PLXNA4: variants seen among roughly 807,000 people sequenced by gnomAD.
PLXNA4 encodes plexin A4.
A neutral mutation model predicts 191.8 loss-of-function variants in PLXNA4; 44 were observed. The ratio of observed to expected loss-of-function variants is 0.23; its 90% CI spans 0.18 to 0.29. The LOEUF is 0.29. PLXNA4 is among the 10% of genes least tolerant of loss of function. PLXNA4 has a pLI of 1.00. For missense variants in PLXNA4, 1,800 were observed against 2,488.8 expected, an observed-to-expected ratio of 0.72 and a Z score of 5.89; for synonymous variants, 1,082 against 1,009.5, an observed-to-expected ratio of 1.07 and a Z score of -1.36.
chr7:132,623,954 A>G (rs1803322221), intron 2 of PLXNA4, among the ~76,000 whole-genome samples: 1 of 152,222 alleles, frequency 6.6e-6, no homozygotes, highest in Non-Finnish European at 1.5e-5. Context: ...TTGGGGAATG[A>G]AAGAATAAAG....
chr7:132,357,011 T>A (rs1803735531), intron 3 of PLXNA4, among the ~76,000 whole-genome samples: 1 of 152,128 alleles, frequency 6.6e-6, no homozygotes, highest in Admixed American at 6.6e-5. Context: ...CCAAAGGGCT[T>A]CAACGTTAAA....
chr7:132,178,717 C>CGT (rs1796563357), intron 20 of PLXNA4, among the ~76,000 whole-genome samples: 1 of 118,926 alleles, frequency 8.4e-6, no homozygotes, highest in African/African-American at 4.2e-5. Context: ...TACACATACA[C>CGT]ACACACACAC....
chr7:132,380,681 A>C (rs1212294333), intron 3 of PLXNA4, among the ~76,000 whole-genome samples: 6 of 152,196 alleles, frequency 3.9e-5, no homozygotes, highest in Admixed American at 6.5e-5. Flanking sequence ...CACGGGAGTG[A>C]GTTCAGATTG....
chr7:132,516,169 A>G (rs1397412004), intron 1 of PLXNA4, among the ~76,000 whole-genome samples: 2 of 152,184 alleles, frequency 1.3e-5, no homozygotes, highest in African/African-American at 2.4e-5. Context: ...AACTGGTTGT[A>G]CCCTGTTCTA....
chr7:132,347,756 G>C (rs974941947), intron 3 of PLXNA4, among the ~76,000 whole-genome samples: 3 of 152,168 alleles, frequency 2.0e-5, no homozygotes, highest in Non-Finnish European at 4.4e-5. Context: ...GTAGAGCCCA[G>C]ATCTACGCCT....
intron 2 of PLXNA4, among the ~76,000 whole-genome samples, chr7:132,585,637 T>C (rs984381569): frequency 1.3e-5 from 2 of 152,192 alleles, no homozygotes; most frequent in African/African-American, 4.8e-5. Flanking sequence ...ACAACAAATA[T>C]CTATTTCTTA....
At chr7:132,445,275 C>T (rs1223132873) in intron 3 of PLXNA4, among the ~76,000 whole-genome samples, 1 of 151,836 alleles carries the variant, frequency 6.6e-6, no homozygotes, top group African/African-American at 2.4e-5. Context: ...GCTCCTCCTT[C>T]TATGTGATTT....
intron 3 of PLXNA4, among the ~76,000 whole-genome samples, chr7:132,489,083 T>C (rs1797675908): frequency 6.6e-6 from 1 of 151,898 alleles, no homozygotes; most frequent in African/African-American, 2.4e-5. Flanking sequence ...AGGGAGGAGG[T>C]GAATCCACAC....
intron 2 of PLXNA4, among the ~76,000 whole-genome samples, chr7:132,620,469 G>C (rs1185954738): frequency 6.6e-6 from 1 of 151,760 alleles, no homozygotes; most frequent in East Asian, 1.9e-4. Context: ...TATATAACTA[G>C]TGCATTGAGG....
chr7:132,211,917 C>T (rs751408), intron 9 of PLXNA4, among the ~76,000 whole-genome samples: 27,875 of 152,030 alleles, frequency 0.18, 3,471 homozygotes, highest in East Asian at 0.42. Flanking sequence ...GGGCTGGGGA[C>T]ATAAGGAGGT....
intron 25 of PLXNA4, among the ~76,000 whole-genome samples, chr7:132,149,691 G>C (rs867555052): frequency 2.6e-5 from 4 of 152,214 alleles, no homozygotes; most frequent in Non-Finnish European, 5.9e-5. Flanking sequence ...TGATACTTCT[G>C]AAATGTGCAA....
chr7:132,164,083 C>T, intron 24 of PLXNA4, 59 bp downstream of exon 24: 1 of 1,605,860 alleles, frequency 6.2e-7, no homozygotes, highest in Non-Finnish European at 8.5e-7. Context: ...CTGAGCAGGG[C>T]TACCCAGGAT....
At chr7:132,641,394 C>T (rs1425501183) in intron 2 of PLXNA4, among the ~76,000 whole-genome samples, 1 of 152,204 alleles carries the variant, frequency 6.6e-6, no homozygotes, top group South Asian at 2.1e-4. Context: ...CATGGCCTTT[C>T]CTCTGTGCTC....
At chr7:132,246,768 AATC>A (rs34617807) in intron 4 of PLXNA4, among the ~76,000 whole-genome samples, 55,609 of 149,796 alleles carry the variant, frequency 0.37, 11,386 homozygotes, top group African/African-American at 0.55. Flanking sequence ...TTGTACATGC[AATC>A]ATCATCATCA....
chr7:132,287,329 G>A (rs1800720299), intron 4 of PLXNA4, among the ~76,000 whole-genome samples: 2 of 152,146 alleles, frequency 1.3e-5, no homozygotes, highest in Non-Finnish European at 2.9e-5. Flanking sequence ...TTTTCTAATT[G>A]TAATAAGAAT....
At chr7:132,563,653 C>A (rs563127386) in intron 1 of PLXNA4, among the ~76,000 whole-genome samples, 103 of 122,962 alleles carry the variant, frequency 8.4e-4, no homozygotes, top group Non-Finnish European at 1.3e-3. Context: ...CCTCCTTCTC[C>A]TCTTCCTCCT....
rs12533597 is a variant in PLXNA4, at chr7:132,593,783, G to A, written c.-87+52145C>T. On this transcript the variant is annotated intron_variant, in intron 2 of 4. Coordinates refer to the PLXNA4 transcript ENST00000378539. Reference sequence around the variant, plus strand: ...GAGGGAAACAAGTGCTGCCTGCCATGGAAGGGCCATACAATAGGGGATTTC... The same window carrying A: ...GAGGGAAACAAGTGCTGCCTGCCATAGAAGGGCCATACAATAGGGGATTTC... Among the ~76,000 whole-genome samples the A allele has an allele frequency of 5.7e-3, 864 of 152,362 alleles. 7 individuals carry two copies. Among genetic ancestry groups the A allele is most frequent in the Middle Eastern group, 0.041 (12 of 294 alleles).
chr7:132,214,239 T>C (rs1797895123), intron 9 of PLXNA4, among the ~76,000 whole-genome samples: 1 of 152,180 alleles, frequency 6.6e-6, no homozygotes, highest in Non-Finnish European at 1.5e-5. Flanking sequence ...GGACTGTTCT[T>C]GTCCAAGACA....
chr7:132,151,745 G>T (rs1795651648), intron 25 of PLXNA4, among the ~76,000 whole-genome samples: 1 of 152,152 alleles, frequency 6.6e-6, no homozygotes, highest in Non-Finnish European at 1.5e-5. Flanking sequence ...GCTGGTGTGG[G>T]CAGCTCCATC....
Sources: gnomAD v4.1 joint callset for allele counts (sites outside exome capture counted in the v4.1 genomes callset) on GRCh38, gnomAD v4.1.1 for gene constraint, MANE v1.5 for transcripts, NCBI Gene and HGNC (gene_info 2026-07-23, HGNC 2026-07-21) for gene names.